The following TECPR2 variants were observed in gnomAD, a reference collection of about 807,000 sequenced individuals.
The protein encoded by TECPR2 is tectonin beta-propeller repeat-containing protein 2.
TECPR2 carries 65 observed loss-of-function variants against 138.1 expected under a neutral mutation model. That is an observed-to-expected ratio of 0.47 (90% confidence interval 0.39 to 0.58). TECPR2 has a LOEUF of 0.58. Ranked by LOEUF, TECPR2 falls within the 20% of genes least tolerant of loss-of-function variation. TECPR2 has a pLI of 0.00. For synonymous variants in TECPR2, 746 were observed against 749.8 expected, an observed-to-expected ratio of 0.99 and a Z score of 0.08; for missense variants, 1,553 against 1,824.5, an observed-to-expected ratio of 0.85 and a Z score of 2.71.
chr14:102,416,627 A>G (rs1889032295), intron 5 of TECPR2, among the ~76,000 whole-genome samples: 1 of 152,246 alleles, frequency 6.6e-6, no homozygotes, highest in Non-Finnish European at 1.5e-5. Flanking sequence ...GGCAGAGTGT[A>G]AAGAGAGGCA....
chr14:102,479,409 G>A (rs953656373), intron 17 of TECPR2, among the ~76,000 whole-genome samples: 43 of 152,308 alleles, frequency 2.8e-4, no homozygotes, highest in African/African-American at 1.0e-3. Flanking sequence ...GATGTTGTGG[G>A]AAAGAGAAGA....
intron 2 of TECPR2, among the ~76,000 whole-genome samples, chr14:102,386,670 C>T (rs1555615): frequency 0.038 from 5,720 of 152,060 alleles, 122 homozygotes; most frequent in Middle Eastern, 0.088. Flanking sequence ...AAGGGAATTA[C>T]GTATTTTTTT....
At chr14:102,457,246 G>A (rs896311619) in intron 16 of TECPR2, among the ~76,000 whole-genome samples, 4 of 151,962 alleles carry the variant, frequency 2.6e-5, no homozygotes, top group Admixed American at 2.0e-4. Flanking sequence ...AGCCATGCCC[G>A]GCTAATGTTT....
Position 102,435,337 on chromosome 14 carries a change from AC to A in TECPR2, c.2394+127del. 14 of 1,372,526 alleles carry A rather than the reference AC, an allele frequency of 1.0e-5. No individual in the cohort carries two copies. In the South Asian group the frequency reaches 2.1e-4, roughly 20 times the overall value. 85.0% of individuals were successfully genotyped at this position (1,372,526 alleles called of 1,614,324 possible). On this transcript the variant is annotated intron_variant, in intron 9 of 19. Coordinates refer to ENST00000359520, the MANE Select transcript of TECPR2 (RefSeq NM_014844.5). ...TTCCTACTGCAAAATCCGTAGGCCA[AC>A]TCTGTTTTCAAGTCTGGGTTTCAGG...
At position 102,425,188 on chromosome 14, in the gene TECPR2, G is replaced by T; in HGVS notation, c.848G>T (p.Ser283Ile). The change falls in exon 6 of 20, where the codon AGC becomes ATC. Residue 283 changes from serine (S) to isoleucine (I), a missense_variant. Coordinates refer to ENST00000359520, the MANE Select transcript of TECPR2 (RefSeq NM_014844.5). Reference sequence around the variant, plus strand: ...GAATCCCCCAACAGTGGAAGTTGCAGCTTACCTGAGAGGCACCTGGGGCTT... The same window carrying T: ...GAATCCCCCAACAGTGGAAGTTGCATCTTACCTGAGAGGCACCTGGGGCTT... ...RLESPNSGSC[S>I]LPERHLGLVS... 1 of 1,614,190 alleles carries T rather than the reference G, an allele frequency of 6.2e-7. No homozygotes were observed. Among genetic ancestry groups the T allele is most frequent in the Non-Finnish European group, 8.5e-7 (1 of 1,180,032 alleles).
chr14:102,434,822 G>A lies in TECPR2; in HGVS notation c.2005G>A (p.Ala669Thr). The A allele has an allele frequency of 6.2e-7, 1 of 1,613,332 alleles. No individual in the cohort carries two copies. Among genetic ancestry groups the A allele is most frequent in the Non-Finnish European group, 8.5e-7 (1 of 1,180,024 alleles). The stretch of plus-strand genomic sequence containing the variant: ...TGAACAGTGGCTGCCTGGGACCAGA[G>A]CTGATGAAGGCAGCCCCGTGGAGCC... ...SAEQWLPGTR[A>T]DEGSPVEPSQ... The change falls in exon 9 of 20, where the codon GCT becomes ACT. Residue 669 changes from alanine (A) to threonine (T), a missense_variant. Transcript: ENST00000359520.
At position 102,465,055 on chromosome 14, in the gene TECPR2, G is replaced by A. The variant is rs1046469993; in HGVS notation, c.3641-86G>A. 2.0e-6 allele frequency: 3 copies of A among 1,504,938 alleles called. No homozygotes were observed. In the African/African-American group the frequency reaches 4.2e-5, roughly 21 times the overall value. The allele number at this position is 1,504,938 out of a possible 1,614,324, so 93.2% of individuals were successfully genotyped here. ...ATGCAGCCTCATTTCTTTCTTTGAA[G>A]TAGAAAATCAAAGTTCATAGATTAG... On this transcript the variant is annotated intron_variant, in intron 16 of 19. Transcript: ENST00000359520.
chr14:102,424,821 G>A (rs529666742), intron 5 of TECPR2, among the ~76,000 whole-genome samples, 158 bp from the exon 6 acceptor site: 43 of 152,322 alleles, frequency 2.8e-4, no homozygotes, highest in Middle Eastern at 3.4e-3. Context: ...GGATGACAGT[G>A]TGGTTTGACA....
intron 13 of TECPR2, among the ~76,000 whole-genome samples, chr14:102,448,792 A>C (rs929778558): frequency 6.6e-6 from 1 of 152,050 alleles, no homozygotes; most frequent in Non-Finnish European, 1.5e-5. Context: ...TCTTGAACCC[A>C]GGAGGCAGAG....
At chr14:102,389,159 A>G (rs998924698) in intron 2 of TECPR2, among the ~76,000 whole-genome samples, 1 of 150,108 alleles carries the variant, frequency 6.7e-6, no homozygotes, top group Non-Finnish European at 1.5e-5. Context: ...AAATAAATAA[A>G]TAATAAAAAT....
chr14:102,497,570 G>C lies in TECPR2; in HGVS notation c.3932G>C (p.Gly1311Ala). ...PVGTAWEHVP[G>A]LQACQLALST... ...CAGGAGGGACCCTGTCTGCCCACAG[G>C]GTTGCAGGCCTGCCAGCTGGCGCTG... The change falls in exon 19 of 20, where the codon GGG becomes GCG. Residue 1311 changes from glycine (G) to alanine (A), a missense_variant and splice_region_variant. Gly to Ala is a moderately conservative substitution (Grantham distance 60). Transcript: ENST00000359520. The C allele has an allele frequency of 6.3e-7, 1 of 1,593,072 alleles. No homozygotes were observed. Among genetic ancestry groups the C allele is most frequent in the Non-Finnish European group, 8.6e-7 (1 of 1,168,598 alleles).
chr14:102,448,549 G>C (rs947904212), intron 13 of TECPR2, among the ~76,000 whole-genome samples: 2 of 152,084 alleles, frequency 1.3e-5, no homozygotes, highest in Admixed American at 1.3e-4. Context: ...GTAATTATTA[G>C]TAGTCCCAAT....
At chr14:102,483,411 G>A (rs1890939710) in intron 17 of TECPR2, among the ~76,000 whole-genome samples, 1 of 77,822 alleles carries the variant, frequency 1.3e-5, no homozygotes, top group Non-Finnish European at 2.4e-5. Flanking sequence ...TGTTGTTGTT[G>A]TAGGGTTTTT....
At chr14:102,463,075 G>A (rs939796506) in intron 16 of TECPR2, among the ~76,000 whole-genome samples, 8 of 152,180 alleles carry the variant, frequency 5.3e-5, no homozygotes, top group African/African-American at 1.4e-4. Context: ...CCGCAGACAC[G>A]GCTGTGGGTG....
intron 1 of TECPR2, among the ~76,000 whole-genome samples, chr14:102,369,115 A>T (rs1259443568): frequency 6.6e-6 from 1 of 151,966 alleles, no homozygotes; most frequent in Non-Finnish European, 1.5e-5. Context: ...ATGGTCAGGG[A>T]TTCTGACCTT....
At chr14:102,436,737 G>A (rs531844720) in intron 9 of TECPR2, among the ~76,000 whole-genome samples, 1 of 152,348 alleles carries the variant, frequency 6.6e-6, no homozygotes, top group South Asian at 2.1e-4. Flanking sequence ...ATGGCAGCTA[G>A]TTGTGGATTC....
rs530296333 is a variant in TECPR2 at position 102,441,176 on chromosome 14, T to C, written c.2752+567T>C. On this transcript the variant is annotated intron_variant, in intron 11 of 19. Coordinates refer to ENST00000359520, the MANE Select transcript of TECPR2 (RefSeq NM_014844.5). ...GCCTCCTGGGTTCAAGTGATCCTCC[T>C]GCCTCAGCTTCCTGATCACAGGCTG... is the stretch of plus-strand genomic sequence containing the variant. Among the ~76,000 whole-genome samples the C allele has an allele frequency of 3.9e-5, 6 of 152,270 alleles. No homozygotes were observed. The East Asian group carries it at 1.2e-3, about 30-fold the overall frequency.
chr14:102,367,923 C>T (rs1022696597), intron 1 of TECPR2, among the ~76,000 whole-genome samples: 2 of 147,134 alleles, frequency 1.4e-5, no homozygotes, highest in South Asian at 2.1e-4. Flanking sequence ...GAAGTGGTAT[C>T]TCCTTGTGGT....
intron 9 of TECPR2, among the ~76,000 whole-genome samples, chr14:102,435,935 T>C (rs144172836): frequency 1.3e-5 from 2 of 152,348 alleles, no homozygotes; most frequent in East Asian, 1.9e-4. Flanking sequence ...TAACTGTCGA[T>C]GTGAGGTATG....
Sources: gnomAD v4.1 joint callset for allele counts (sites outside exome capture counted in the v4.1 genomes callset) on GRCh38, gnomAD v4.1.1 for gene constraint, MANE v1.5 for transcripts, NCBI Gene and HGNC (gene_info 2026-07-23, HGNC 2026-07-21) for gene names.